GTF3C5: variants seen among roughly 807,000 people sequenced by gnomAD.
GTF3C5 encodes the protein general transcription factor IIIC subunit 5, also known as general transcription factor 3C polypeptide 5.
GTF3C5 carries 47 observed loss-of-function variants against 61.0 expected under a neutral mutation model. That is an observed-to-expected ratio of 0.77 (90% CI 0.61 to 0.98). GTF3C5 has a LOEUF of 0.98. GTF3C5 is among the 50% of genes least tolerant of loss of function. The probability of loss-of-function intolerance (pLI) is 0.00; values close to 1 mark genes in which losing one functional copy is unlikely to be tolerated. For synonymous variants in GTF3C5, 295 were observed against 275.4 expected (o/e 1.07, Z -0.71); for missense variants, 659 against 703.3 (o/e 0.94, Z 0.71).
Position 133,058,065 on chromosome 9 carries a change from A to C in GTF3C5, c.*85A>C. The C allele has an allele frequency of 6.3e-7, 1 of 1,586,036 alleles. No individual in the cohort carries two copies. The highest frequency in any genetic ancestry group is 2.2e-5 in the East Asian group (1 of 44,574). On this transcript the variant is annotated 3_prime_UTR_variant, in exon 11 of 11. Transcript: ENST00000372097. ...GCCGGGGCTCCCCATTGCCACCCAC[A>C]GTGCCCGGAATGGCCCTAGGAGGCC...
At chr9:133,047,008 TG>T (rs1850228498) in intron 3 of GTF3C5, among the ~76,000 whole-genome samples, 1 of 152,070 alleles carries the variant, frequency 6.6e-6, no homozygotes, top group Non-Finnish European at 1.5e-5. Context: ...TGGAGAGAAT[TG>T]GATTGTCTAG....
chr9:133,047,911 G>A (rs1435142812), intron 3 of GTF3C5, among the ~76,000 whole-genome samples: 2 of 152,214 alleles, frequency 1.3e-5, no homozygotes, highest in Non-Finnish European at 2.9e-5. Context: ...GATCGCTTGA[G>A]CCCAGAAGTT....
At chr9:133,030,905 C>T, upstream of GTF3C5, 4 of 1,298,904 alleles carry the variant, frequency 3.1e-6, no homozygotes, top group Non-Finnish European at 4.4e-6. Context: ...TAGGATGACG[C>T]GAGCGGTGAG....
At position 133,031,125 on chromosome 9, in the gene GTF3C5, G is replaced by C. The variant is rs1462527324; in HGVS notation, c.114G>C (p.Lys38Asn). 3 of 1,598,828 alleles carry C rather than the reference G, an allele frequency of 1.9e-6. No individual in the cohort carries two copies. Among genetic ancestry groups the C allele is most frequent in the South Asian group, 1.1e-5 (1 of 89,138 alleles). ...CGGGAGTGGTGCGTGATGTGGCTAAGATGCTGCCGACTCTGGGCGGCGAGG... is the reference window on the plus strand; with the variant it reads ...CGGGAGTGGTGCGTGATGTGGCTAACATGCTGCCGACTCTGGGCGGCGAGG... ...EYPGVVRDVAKMLPTLGGEEG... is the reference protein window; with the variant it reads ...EYPGVVRDVANMLPTLGGEEG... The change falls in exon 1 of 11, where the codon AAG (lysine) becomes AAC (asparagine). Residue 38 changes from lysine to asparagine, a missense_variant. Coordinates refer to ENST00000372097, the MANE Select transcript of GTF3C5 (RefSeq NM_012087.4).
intron 4 of GTF3C5, 55 bp downstream of exon 4, chr9:133,051,033 C>A: frequency 7.4e-7 from 1 of 1,354,472 alleles, no homozygotes; most frequent in Non-Finnish European, 1.0e-6. Flanking sequence ...GTTGGCTTCC[C>A]GTGTTTACCC....
intron 3 of GTF3C5, among the ~76,000 whole-genome samples, chr9:133,049,997 T>C (rs1850322372): frequency 6.6e-6 from 1 of 152,178 alleles, no homozygotes; most frequent in Non-Finnish European, 1.5e-5. Context: ...TTCTATGTGT[T>C]TGGACAAATG....
chr9:133,053,990 T>G, intron 6 of GTF3C5, 48 bp downstream of exon 6: 2 of 1,143,594 alleles, frequency 1.7e-6, no homozygotes, highest in Non-Finnish European at 2.6e-6. Flanking sequence ...TCTCTTTATC[T>G]TTCAGTTTCT....
At chr9:133,033,132 A>G (rs901480539) in intron 1 of GTF3C5, among the ~76,000 whole-genome samples, 2 of 152,182 alleles carry the variant, frequency 1.3e-5, no homozygotes, top group African/African-American at 4.8e-5. Flanking sequence ...TTTTATTTAT[A>G]GTTAACCACC....
chr9:133,031,304 A>G, intron 1 of GTF3C5, 140 bp downstream of exon 1: 1 of 688,798 alleles, frequency 1.5e-6, no homozygotes, highest in Non-Finnish European at 2.4e-6. Context: ...GGCCGCTGCA[A>G]GAGAGCCAAC....
intron 1 of GTF3C5, among the ~76,000 whole-genome samples, chr9:133,032,563 C>T (rs1008118022): frequency 1.3e-5 from 2 of 152,310 alleles, no homozygotes; most frequent in South Asian, 2.1e-4. Context: ...GATTTTCATA[C>T]TTCTTTCTCT....
At chr9:133,039,950 T>C (rs1460989108) in intron 1 of GTF3C5, among the ~76,000 whole-genome samples, 1 of 152,196 alleles carries the variant, frequency 6.6e-6, no homozygotes, top group African/African-American at 2.4e-5. Context: ...TGCTTCCTCA[T>C]CCTTTATGAA....
At chr9:133,046,160 T>C (rs1315175283) in intron 3 of GTF3C5, among the ~76,000 whole-genome samples, 1 of 151,984 alleles carries the variant, frequency 6.6e-6, no homozygotes, top group Admixed American at 6.6e-5. Context: ...ACTCTGTCTC[T>C]ACAAAAAAAA....
chr9:133,038,727 G>A (rs1849952545), intron 1 of GTF3C5, among the ~76,000 whole-genome samples: 1 of 151,996 alleles, frequency 6.6e-6, no homozygotes. Context: ...AAAGTGCTGG[G>A]ATTACAGGTG....
At chr9:133,051,939 C>T (rs1850393272) in intron 4 of GTF3C5, 121 bp from the exon 5 acceptor site, 1 of 568,112 alleles carries the variant, frequency 1.8e-6, no homozygotes, top group Admixed American at 3.4e-5. Flanking sequence ...TGTGTCCAGC[C>T]CCTGTCCTCT....
chr9:133,050,278 A>G (rs1850330688), intron 3 of GTF3C5, among the ~76,000 whole-genome samples: 1 of 152,034 alleles, frequency 6.6e-6, no homozygotes, highest in African/African-American at 2.4e-5. Context: ...GATTAGTTTG[A>G]GCGTTAAATA....
rs528146545 is a variant in GTF3C5 at position 133,048,129 on chromosome 9, A to T, written c.573-2654A>T. Among the ~76,000 whole-genome samples the T allele has an allele frequency of 3.6e-3, 480 of 132,986 alleles. 3 individuals carry two copies. The highest frequency in any genetic ancestry group is 0.013 in the African/African-American group (439 of 33,398). The allele number at this position is 132,986 out of a possible 152,430, so 87.2% of individuals were successfully genotyped here. A position where few individuals can be genotyped will look rare whatever the true frequency, so the allele number is the denominator to read the frequency against. On this transcript the variant is annotated intron_variant, in intron 3 of 10. Coordinates refer to ENST00000372097, the MANE Select transcript of GTF3C5 (RefSeq NM_012087.4). ...GGGTGACAGAGTGGGACCGTGTTTT[A>T]AAAAAAAAAAGTGGTTTTTTGGTTT...
intron 5 of GTF3C5, among the ~76,000 whole-genome samples, chr9:133,053,414 A>G (rs1046504966): frequency 2.6e-5 from 4 of 152,088 alleles, no homozygotes; most frequent in Non-Finnish European, 5.9e-5. Flanking sequence ...ATGAGACCCC[A>G]TCTCTACAAA....
At position 133,057,958 on chromosome 9, in the gene GTF3C5, CAG is replaced by C. The variant is rs1829990267; in HGVS notation, c.1542_1543del (p.Glu514AspfsTer15). The C allele has an allele frequency of 1.9e-6, 3 of 1,613,952 alleles. No individual in the cohort carries two copies. Among genetic ancestry groups the C allele is most frequent in the Non-Finnish European group, 8.5e-7 (1 of 1,180,000 alleles). On this transcript the variant is annotated frameshift_variant, in exon 11 of 11. Coordinates refer to ENST00000372097, the MANE Select transcript of GTF3C5 (RefSeq NM_012087.4). LOFTEE classifies it high-confidence loss of function. Reference sequence around the variant, plus strand: ...GACGGCAGTGAAAACGAAATGGAGACAGAGATTCTGGACTACGTGTGACAGGG... The same window carrying C: ...GACGGCAGTGAAAACGAAATGGAGACAGATTCTGGACTACGTGTGACAGGG...
rs779391281 is a variant in GTF3C5 at position 133,056,075 on chromosome 9, T to A, written c.1231T>A (p.Cys411Ser). 2.5e-6 allele frequency: 4 copies of A among 1,613,972 alleles called. No individual in the cohort carries two copies. In the African/African-American group the frequency reaches 5.3e-5, roughly 22 times the overall value. ...CTATCGGCAGATGTTCTACCAGTTA[T>A]GCGACTTGAATGTGGAAGAGTACGT... is the stretch of plus-strand genomic sequence containing the variant. Reference protein sequence around the residue: ...PPYRQMFYQLCDLNVEELQKI... With the variant: ...PPYRQMFYQLSDLNVEELQKI... The change falls in exon 9 of 11, where the codon TGC becomes AGC. Residue 411 changes from cysteine to serine, a missense_variant. Cys to Ser is a moderately radical substitution (Grantham distance 112). Coordinates refer to ENST00000372097, the MANE Select transcript of GTF3C5 (RefSeq NM_012087.4).
Sources: allele counts gnomAD v4.1 joint callset (sites outside exome capture counted in the v4.1 genomes callset), GRCh38; gene constraint gnomAD v4.1.1; transcripts MANE v1.5; gene names NCBI Gene and HGNC (gene_info 2026-07-23, HGNC 2026-07-21).